The following GALNT13 variants were observed in gnomAD, a reference collection of about 807,000 sequenced individuals.
The protein encoded by GALNT13 is polypeptide N-acetylgalactosaminyltransferase 13.
In GALNT13, 28 loss-of-function variants were observed where a neutral mutation model predicts 64.2. The observed-to-expected ratio is 0.44, with a 90% CI of 0.32 to 0.60. GALNT13 has a LOEUF of 0.60. Among genes scored for constraint, GALNT13 ranks in the 20% least tolerant of loss-of-function variants. GALNT13 has a pLI of 0.05. For missense variants in GALNT13, 577 were observed against 669.8 expected (o/e 0.86, Z 1.53); for synonymous variants, 214 against 224.6 (o/e 0.95, Z 0.42).
the GALNT13 span, among the ~76,000 whole-genome samples, chr2:153,509,610 A>AT: frequency 6.6e-6 from 1 of 152,232 alleles, no homozygotes; most frequent in Non-Finnish European, 1.5e-5. Flanking sequence ...TGGTCATTGA[A>AT]TTGCTTCTAT....
intron 11 of GALNT13, among the ~76,000 whole-genome samples, chr2:154,413,971 A>T (rs1274171364): frequency 6.6e-6 from 1 of 152,080 alleles, no homozygotes; most frequent in Non-Finnish European, 1.5e-5. Flanking sequence ...CTCTAGAAGT[A>T]CATTTGCTAC....
At chr2:154,280,307 T>C (rs1368937524) in intron 8 of GALNT13, among the ~76,000 whole-genome samples, 1 of 152,130 alleles carries the variant, frequency 6.6e-6, no homozygotes, top group East Asian at 1.9e-4. Flanking sequence ...TAGAGAGCTA[T>C]GTATTATTAT....
At chr2:153,312,925 A>G in the GALNT13 span, among the ~76,000 whole-genome samples, 1 of 152,334 alleles carries the variant, frequency 6.6e-6, no homozygotes, top group African/African-American at 2.4e-5. Context: ...GACTAATATT[A>G]CCAGCGAATA....
At chr2:153,758,046 A>C in the GALNT13 span, among the ~76,000 whole-genome samples, 1 of 152,162 alleles carries the variant, frequency 6.6e-6, no homozygotes, top group African/African-American at 2.4e-5. Context: ...TCAAACGTAA[A>C]ACATTGTCCA....
intron 11 of GALNT13, among the ~76,000 whole-genome samples, chr2:154,421,002 T>A (rs1252175602): frequency 6.6e-6 from 1 of 151,820 alleles, no homozygotes; most frequent in African/African-American, 2.4e-5. Flanking sequence ...ATATTCCTAG[T>A]TTTTTTTGCT....
the GALNT13 span, among the ~76,000 whole-genome samples, chr2:153,378,700 A>G: frequency 6.6e-6 from 1 of 152,160 alleles, no homozygotes; most frequent in Non-Finnish European, 1.5e-5. Flanking sequence ...ATTATGTTTT[A>G]GTAGCAACTG....
chr2:154,156,812 A>G (rs1210735174), intron 4 of GALNT13, among the ~76,000 whole-genome samples: 2 of 152,210 alleles, frequency 1.3e-5, no homozygotes, highest in Non-Finnish European at 2.9e-5. Context: ...GAACTTATAT[A>G]GATATAAGGG....
intron 2 of GALNT13, among the ~76,000 whole-genome samples, chr2:153,935,756 A>G (rs577080523): frequency 2.0e-5 from 3 of 152,304 alleles, no homozygotes; most frequent in South Asian, 2.1e-4. Context: ...GGCAGGCCAT[A>G]TGATTATTTT....
chr2:154,277,771 A>G (rs1037459671), intron 8 of GALNT13, among the ~76,000 whole-genome samples: 1 of 152,208 alleles, frequency 6.6e-6, no homozygotes, highest in Non-Finnish European at 1.5e-5. Flanking sequence ...CAACCAAACA[A>G]TATTTACAAC....
At chr2:153,462,435 C>T in the GALNT13 span, among the ~76,000 whole-genome samples, 1 of 152,106 alleles carries the variant, frequency 6.6e-6, no homozygotes, top group Non-Finnish European at 1.5e-5. Flanking sequence ...ATTGTAGCAA[C>T]TATTAGCTCT....
the GALNT13 span, among the ~76,000 whole-genome samples, chr2:153,071,089 C>G: frequency 6.6e-6 from 1 of 152,086 alleles, no homozygotes; most frequent in African/African-American, 2.4e-5. Context: ...AGAAAAACTA[C>G]AGTTGAAGAA....
the GALNT13 span, among the ~76,000 whole-genome samples, chr2:153,088,951 A>G: frequency 6.6e-6 from 1 of 152,140 alleles, no homozygotes; most frequent in Non-Finnish European, 1.5e-5. Flanking sequence ...AAAGTGGAGC[A>G]TTTAGGCCAT....
the GALNT13 span, among the ~76,000 whole-genome samples, chr2:153,702,354 G>A: frequency 6.6e-6 from 1 of 152,004 alleles, no homozygotes; most frequent in African/African-American, 2.4e-5. Context: ...GAGGGTTAGG[G>A]GCAAGGGGAG....
chr2:153,400,159 T>C, the GALNT13 span, among the ~76,000 whole-genome samples: 11 of 151,846 alleles, frequency 7.2e-5, no homozygotes, highest in East Asian at 1.7e-3. Context: ...TGTCAAAGGC[T>C]TTTTCTGCAT....
intron 4 of GALNT13, among the ~76,000 whole-genome samples, chr2:154,142,107 A>C (rs1008801320): frequency 6.6e-6 from 1 of 152,170 alleles, no homozygotes; most frequent in African/African-American, 2.4e-5. Context: ...TCTTTTAAGC[A>C]CTTAGTGATT....
chr2:153,879,908 G>A (rs1686666020), intron 1 of GALNT13, among the ~76,000 whole-genome samples: 1 of 152,224 alleles, frequency 6.6e-6, no homozygotes, highest in African/African-American at 2.4e-5. Flanking sequence ...TCCTCAAGTA[G>A]TGTCATCATT....
At chr2:154,226,432 C>T (rs1688622268) in intron 4 of GALNT13, among the ~76,000 whole-genome samples, 1 of 151,912 alleles carries the variant, frequency 6.6e-6, no homozygotes, top group African/African-American at 2.4e-5. Flanking sequence ...TCTCTTCCTC[C>T]CAAAATGATG....
At chr2:153,236,627 ATATTT>A in the GALNT13 span, among the ~76,000 whole-genome samples, 1 of 152,162 alleles carries the variant, frequency 6.6e-6, no homozygotes, top group South Asian at 2.1e-4. Flanking sequence ...GGTTTGCTGA[ATATTT>A]TAAGCTGACT....
At chr2:153,477,102 C>G in the GALNT13 span, among the ~76,000 whole-genome samples, 1 of 152,146 alleles carries the variant, frequency 6.6e-6, no homozygotes, top group Non-Finnish European at 1.5e-5. Context: ...AAAATATTCA[C>G]GATAAGAGGA....
Sources: allele counts gnomAD v4.1 joint callset (sites outside exome capture counted in the v4.1 genomes callset), GRCh38; gene constraint gnomAD v4.1.1; transcripts MANE v1.5; gene names NCBI Gene and HGNC (gene_info 2026-07-23, HGNC 2026-07-21).